The following LRRC74B variants were observed in gnomAD, a reference collection of about 807,000 sequenced individuals.
The protein encoded by LRRC74B is leucine-rich repeat-containing protein 74B.
LRRC74B carries 30 observed loss-of-function variants against 16.6 expected under a neutral mutation model. That is an observed-to-expected ratio of 1.80 (90% confidence interval 1.35 to 2.45). The LOEUF is 2.45. Ranked by LOEUF, LRRC74B falls within the 30% of genes most tolerant of loss-of-function variation. The pLI is 0.00. For synonymous variants in LRRC74B, 134 were observed against 86.0 expected, an observed-to-expected ratio of 1.56 and a Z score of -3.09; for missense variants, 326 against 202.4, an observed-to-expected ratio of 1.61 and a Z score of -3.71.
downstream of LRRC74B, chr22:21,062,176 T>G (rs910012202): frequency 6.6e-6 from 1 of 152,022 alleles, no homozygotes; most frequent in East Asian, 1.9e-4. Flanking sequence ...AGACAGAAAG[T>G]AGATTATACA....
chr22:21,048,422 A>G, intron 3 of LRRC74B: 2 of 276,484 alleles, frequency 7.2e-6, no homozygotes, highest in South Asian at 8.9e-5. Flanking sequence ...GCCACTGAAG[A>G]GCTGGATACC....
intron 6 of LRRC74B, 31 bp from the exon 7 acceptor site, chr22:21,055,067 A>G (rs1409415512): frequency 5.6e-6 from 4 of 715,596 alleles, no homozygotes; most frequent in Non-Finnish European, 1.0e-5. Flanking sequence ...GGAAGGTTGC[A>G]CAATGCATGT....
chr22:21,063,173 T>C (rs1223542440), downstream of LRRC74B: 1 of 151,824 alleles, frequency 6.6e-6, no homozygotes, highest in Non-Finnish European at 1.5e-5. Context: ...CATAGTGAAA[T>C]CCTGTCTAAA....
At chr22:21,063,682 T>C (rs1569204253), downstream of LRRC74B, 1 of 151,958 alleles carries the variant, frequency 6.6e-6, no homozygotes, top group Non-Finnish European at 1.5e-5. Flanking sequence ...AAAATAATAA[T>C]AACAATAATA....
exon 5 of LRRC74B, chr22:21,052,299 A>G (rs1930132674): frequency 2.8e-6 from 2 of 717,442 alleles, no homozygotes; most frequent in Admixed American, 2.0e-5. Context: ...CACCGAGCTT[A>G]ACGTGAGCTG....
chr22:21,057,378 C>T (rs1308265532), intron 8 of LRRC74B, among the ~76,000 whole-genome samples, 178 bp downstream of exon 8: 4 of 152,196 alleles, frequency 2.6e-5, no homozygotes, highest in South Asian at 2.1e-4. Flanking sequence ...CAGCTCTGCC[C>T]GCTCCAGACT....
At chr22:21,062,774 T>C (rs1232246403), downstream of LRRC74B, 2 of 140,758 alleles carry the variant, frequency 1.4e-5, no homozygotes, top group African/African-American at 2.6e-5. Flanking sequence ...ATGCTTATAA[T>C]CCCAGAAATT....
chr22:21,056,922 C>G (rs1259240870), intron 7 of LRRC74B, 183 bp from the exon 8 acceptor site: 2 of 588,000 alleles, frequency 3.4e-6, no homozygotes, highest in Non-Finnish European at 6.0e-6. Flanking sequence ...TTCCTTTCTT[C>G]CCTGACCCAG....
intron 5 of LRRC74B, 40 bp downstream of exon 5, chr22:21,052,398 C>T (rs1569198144): frequency 2.8e-6 from 2 of 715,938 alleles, no homozygotes; most frequent in African/African-American, 3.5e-5. Context: ...AGCCTGTCTG[C>T]TGGGGCCTGT....
chr22:21,048,146 C>T, intron 3 of LRRC74B, 130 bp downstream of exon 3: 1 of 670,226 alleles, frequency 1.5e-6, no homozygotes, highest in Non-Finnish European at 2.7e-6. Flanking sequence ...AGAGGGGCCT[C>T]ATCACAGGAG....
chr22:21,055,164 G>A (rs1930407687), exon 7 of LRRC74B: 4 of 716,512 alleles, frequency 5.6e-6, no homozygotes, highest in Non-Finnish European at 7.8e-6. Flanking sequence ...ACCAGACGCT[G>A]AGGATTCTTG....
intron 4 of LRRC74B, among the ~76,000 whole-genome samples, chr22:21,051,772 T>C (rs1569197611): frequency 6.6e-6 from 1 of 151,998 alleles, no homozygotes; most frequent in African/African-American, 2.4e-5. Flanking sequence ...CTCACTGGCT[T>C]CCCCCTCCCC....
rs1930243762 is a variant in LRRC74B, at chr22:21,053,579, C to T, written c.848+104C>T. 6.3e-6 allele frequency: 4 copies of T among 634,436 alleles called. No individual in the cohort carries two copies. In the East Asian group the frequency reaches 1.1e-4, roughly 17 times the overall value. The allele number at this position is 634,436 out of a possible 1,614,324, so 39.3% of individuals were successfully genotyped here. On this transcript the variant is annotated intron_variant, in intron 6 of 8. Transcript: ENST00000442047. ...GGGGATTCCCGTGATGGGGCTTGAG[C>T]CACAATCCCAGAGCAGCTCTGTCAT...
chr22:21,048,047 G>T, intron 3 of LRRC74B, 31 bp downstream of exon 3: 1 of 716,764 alleles, frequency 1.4e-6, no homozygotes, highest in Non-Finnish European at 2.6e-6. Flanking sequence ...AGGTGGGCAG[G>T]CGTGTCCTCC....
intron 1 of LRRC74B, among the ~76,000 whole-genome samples, chr22:21,046,664 G>T (rs936582660): frequency 2.6e-5 from 4 of 151,926 alleles, no homozygotes; most frequent in African/African-American, 9.7e-5. Flanking sequence ...CCAGGGTCTT[G>T]CTCTGTCACC....
At chr22:21,046,788 C>G (rs1929476087) in intron 1 of LRRC74B, among the ~76,000 whole-genome samples, 1 of 152,062 alleles carries the variant, frequency 6.6e-6, no homozygotes, top group Non-Finnish European at 1.5e-5. Flanking sequence ...ACCACCACGT[C>G]TGGCTAATAT....
chr22:21,047,730 T>G (rs1601804955), intron 2 of LRRC74B, among the ~76,000 whole-genome samples, 154 bp from the exon 3 acceptor site: 3 of 146,898 alleles, frequency 2.0e-5, no homozygotes, highest in East Asian at 2.0e-4. Flanking sequence ...GAGCTGGGGG[T>G]GGGGGGAGAC....
chr22:21,055,155 C>G (rs1278210354), exon 7 of LRRC74B: 2 of 716,890 alleles, frequency 2.8e-6, no homozygotes, highest in Non-Finnish European at 5.2e-6. Flanking sequence ...TCCGGGTCAA[C>G]CAGACGCTGA....
chr22:21,051,334 G>A (rs375443576), intron 4 of LRRC74B, among the ~76,000 whole-genome samples: 33 of 152,196 alleles, frequency 2.2e-4, no homozygotes, highest in African/African-American at 7.5e-4. Flanking sequence ...GTTCTGTTCG[G>A]CCATGTTGCT....
Sources: gnomAD v4.1 joint callset for allele counts (sites outside exome capture counted in the v4.1 genomes callset) on GRCh38, gnomAD v4.1.1 for gene constraint, MANE v1.5 for transcripts, NCBI Gene and HGNC (gene_info 2026-07-23, HGNC 2026-07-21) for gene names.